Variants in ARFGEF3 observed in about 807,000 individuals in gnomAD.
ARFGEF3 encodes the protein ARFGEF family member 3.
A neutral mutation model predicts 221.7 loss-of-function variants in ARFGEF3; 96 were observed. The observed-to-expected ratio is 0.43, with a 90% CI of 0.37 to 0.51. The LOEUF is 0.51. Among genes scored for constraint, ARFGEF3 ranks in the 20% least tolerant of loss-of-function variants. The pLI, the probability that ARFGEF3 is intolerant of heterozygous loss-of-function variation, is 0.00. For missense variants in ARFGEF3, 2,410 were observed against 2,789.9 expected (o/e 0.86, Z 3.07); for synonymous variants, 1,145 against 1,126.8 (o/e 1.02, Z -0.32).
intron 12 of ARFGEF3, among the ~76,000 whole-genome samples, chr6:138,267,706 A>G (rs1046107077): frequency 6.6e-6 from 1 of 152,250 alleles, no homozygotes. Context: ...TATTTATAGT[A>G]CATGCAAAAC....
chr6:138,307,187 C>T (rs1387069431), intron 22 of ARFGEF3, 66 bp from the exon 23 acceptor site: 2 of 1,533,470 alleles, frequency 1.3e-6, no homozygotes, highest in Non-Finnish European at 1.8e-6. Flanking sequence ...AATACATCAC[C>T]CTTCCCAGAA....
At chr6:138,165,585 A>G (rs914693616) in intron 1 of ARFGEF3, among the ~76,000 whole-genome samples, 3 of 148,392 alleles carry the variant, frequency 2.0e-5, no homozygotes, top group African/African-American at 5.0e-5. Context: ...TGAGACCCTT[A>G]TGGGAGGGAG....
At chr6:138,257,575 A>G (rs1057170791) in intron 10 of ARFGEF3, among the ~76,000 whole-genome samples, 1 of 152,180 alleles carries the variant, frequency 6.6e-6, no homozygotes, top group African/African-American at 2.4e-5. Context: ...AGTCCCAAAG[A>G]AAAAGAAAAG....
At chr6:138,171,328 G>C (rs182674988) in intron 2 of ARFGEF3, among the ~76,000 whole-genome samples, 2 of 152,110 alleles carry the variant, frequency 1.3e-5, no homozygotes, top group Non-Finnish European at 2.9e-5. Flanking sequence ...CATGGTAAAA[G>C]GATCAAATTG....
chr6:138,231,740 C>G (rs774640182), intron 5 of ARFGEF3, among the ~76,000 whole-genome samples: 17 of 152,188 alleles, frequency 1.1e-4, no homozygotes, highest in Non-Finnish European at 2.5e-4. Context: ...TTGACTATTA[C>G]TCATGAATAG....
At chr6:138,305,650 A>C (rs527254974) in intron 22 of ARFGEF3, among the ~76,000 whole-genome samples, 2 of 152,000 alleles carry the variant, frequency 1.3e-5, no homozygotes, top group South Asian at 4.2e-4. Flanking sequence ...ACCCAGTAAC[A>C]TATAAAGAAG....
intron 1 of ARFGEF3, among the ~76,000 whole-genome samples, chr6:138,164,771 G>T (rs564322109): frequency 6.6e-6 from 1 of 152,294 alleles, no homozygotes; most frequent in Admixed American, 6.5e-5. Context: ...TGCTCTGCGT[G>T]GGTCTCCACA....
chr6:138,322,352 A>G (rs1780047456), intron 29 of ARFGEF3, among the ~76,000 whole-genome samples: 1 of 152,170 alleles, frequency 6.6e-6, no homozygotes, highest in African/African-American at 2.4e-5. Flanking sequence ...CTATAACAGC[A>G]TGGGAAAGAC....
At chr6:138,251,756 A>G (rs560836681) in intron 8 of ARFGEF3, among the ~76,000 whole-genome samples, 16 of 152,128 alleles carry the variant, frequency 1.1e-4, no homozygotes, top group Non-Finnish European at 2.1e-4. Flanking sequence ...CTTGAACTTT[A>G]GGATCTACTA....
At chr6:138,329,183 G>A (rs558353073) in intron 32 of ARFGEF3, among the ~76,000 whole-genome samples, 1 of 152,020 alleles carries the variant, frequency 6.6e-6, no homozygotes, top group African/African-American at 2.4e-5. Flanking sequence ...TGAAGATGAA[G>A]GCAATGACCA....
At chr6:138,163,495 G>A (rs1476684723) in intron 1 of ARFGEF3, among the ~76,000 whole-genome samples, 1 of 152,178 alleles carries the variant, frequency 6.6e-6, no homozygotes, top group Non-Finnish European at 1.5e-5. Flanking sequence ...CAGATGGCTG[G>A]GTAACATGAT....
intron 9 of ARFGEF3, among the ~76,000 whole-genome samples, chr6:138,254,434 T>A (rs968066661): frequency 9.6e-5 from 14 of 146,454 alleles, no homozygotes; most frequent in Admixed American, 2.8e-4. Context: ...AAAAAAAAAA[T>A]TAAATAATAA....
intron 13 of ARFGEF3, among the ~76,000 whole-genome samples, chr6:138,278,831 G>T (rs1429726409): frequency 6.6e-6 from 1 of 152,144 alleles, no homozygotes; most frequent in Non-Finnish European, 1.5e-5. Flanking sequence ...GCACAGAGCT[G>T]CCCACTGGGC....
intron 2 of ARFGEF3, among the ~76,000 whole-genome samples, chr6:138,193,329 C>A (rs1051539279): frequency 3.9e-5 from 6 of 152,294 alleles, no homozygotes; most frequent in Middle Eastern, 3.4e-3. Flanking sequence ...TAGACAAAAT[C>A]TCTCCCACTC....
rs974151662 is a variant in ARFGEF3 at position 138,313,096 on chromosome 6, G to A, written c.4201-699G>A. ...TATTTTAGAAAGGATTGTAGTTGGT[G>A]AGACCCACCAGAACAGGAATTTTGT... On this transcript the variant is annotated intron_variant, in intron 25 of 33. Transcript: ENST00000251691. Among the ~76,000 whole-genome samples the A allele has an allele frequency of 2.0e-5, 3 of 152,178 alleles. No individual in the cohort carries two copies. In the South Asian group the frequency reaches 6.2e-4, roughly 32 times the overall value.
chr6:138,320,992 T>C (rs566424183), intron 28 of ARFGEF3, 119 bp from the exon 29 acceptor site: 26 of 645,206 alleles, frequency 4.0e-5, no homozygotes, highest in Non-Finnish European at 6.7e-5. Context: ...ATTGTTCTAT[T>C]TCTTTTTCCC....
In ARFGEF3 at chr6:138,238,616, G is replaced by A; in HGVS notation, c.528G>A (p.Gln176=). The change falls in exon 6 of 34, where the codon CAG becomes CAA. Residue 176 remains glutamine, a synonymous_variant. Transcript: ENST00000251691. ...MLSDLTLQLR[Q]RQENTIIENP... ...GTGACTTGACTTTACAGTTACGACA[G>A]AGGCAGGAGAATACGGTGAGTCTGT... is the stretch of plus-strand genomic sequence containing the variant. The A allele has an allele frequency of 3.7e-6, 6 of 1,613,632 alleles. No homozygotes were observed. Among genetic ancestry groups the A allele is most frequent in the Non-Finnish European group, 5.1e-6 (6 of 1,179,668 alleles).
chr6:138,177,887 G>A (rs76954471), intron 2 of ARFGEF3, among the ~76,000 whole-genome samples: 6,158 of 151,216 alleles, frequency 0.041, 138 homozygotes, highest in Middle Eastern at 0.092. Context: ...CCTTATATTC[G>A]TTTTCAGATT....
At position 138,291,322 on chromosome 6, in the gene ARFGEF3, T is replaced by C. The variant is rs954316279; in HGVS notation, c.3048-411T>C. 1.3e-5 allele frequency among the ~76,000 whole-genome samples: 2 copies of C among 152,062 alleles called. No homozygotes were observed. Among genetic ancestry groups the C allele is most frequent in the Non-Finnish European group, 2.9e-5 (2 of 68,008 alleles). ...TAGGTATAGCCATTCTGGGATCCCA[T>C]CGTAGGGAAACGCTTCCCAACTCCT... is the stretch of plus-strand genomic sequence containing the variant. On this transcript the variant is annotated intron_variant, in intron 18 of 33. Coordinates refer to ENST00000251691, the MANE Select transcript of ARFGEF3 (RefSeq NM_020340.5). This position sits in a 1 kb window ranked among gnomAD's most constrained non-coding sequence, Gnocchi z 4.5.
Sources: gnomAD v4.1 joint callset for allele counts (sites outside exome capture counted in the v4.1 genomes callset) on GRCh38, gnomAD v4.1.1 for gene constraint, Gnocchi (gnomAD v3.1) non-coding constraint, MANE v1.5 for transcripts, NCBI Gene and HGNC (gene_info 2026-07-23, HGNC 2026-07-21) for gene names.